FRMD5: variants seen among roughly 807,000 people sequenced by gnomAD.
FRMD5 encodes FERM domain-containing protein 5.
A neutral mutation model predicts 69.0 loss-of-function variants in FRMD5; 20 were observed. That is an observed-to-expected ratio of 0.29 (90% CI 0.20 to 0.42). The LOEUF (loss-of-function observed/expected upper bound fraction) is 0.42, where lower values mean the gene tolerates loss of function less well. Among genes scored for constraint, FRMD5 ranks in the 10% least tolerant of loss-of-function variants. The pLI is 1.00. For missense variants in FRMD5, 595 were observed against 708.6 expected (o/e 0.84, Z 1.82); for synonymous variants, 271 against 260.1 (o/e 1.04, Z -0.40).
chr15:43,923,755 A>AAG (rs1351355752), intron 2 of FRMD5, among the ~76,000 whole-genome samples: 1 of 152,224 alleles, frequency 6.6e-6, no homozygotes, highest in Non-Finnish European at 1.5e-5. Context: ...CAAGAACTGC[A>AAG]AGATCTGCAA....
intron 4 of FRMD5, among the ~76,000 whole-genome samples, chr15:43,914,221 G>A (rs2089342223): frequency 6.6e-6 from 1 of 152,146 alleles, no homozygotes; most frequent in Admixed American, 6.5e-5. Flanking sequence ...AGAGTTTAAG[G>A]CTGTGAACTC....
chr15:43,874,539 A>C (rs2140329357), intron 13 of FRMD5, 77 bp from the exon 14 acceptor site: 1 of 1,052,080 alleles, frequency 9.5e-7, no homozygotes, highest in Non-Finnish European at 1.5e-6. Flanking sequence ...ATTGTGTTTT[A>C]TTGGGTACCA....
chr15:43,896,967 A>G (rs2088924411), intron 7 of FRMD5, among the ~76,000 whole-genome samples: 1 of 152,158 alleles, frequency 6.6e-6, no homozygotes, highest in Non-Finnish European at 1.5e-5. Context: ...ACAATAAACT[A>G]GAATGGAAAT....
intron 1 of FRMD5, among the ~76,000 whole-genome samples, chr15:44,156,096 G>A (rs916279151): frequency 1.3e-5 from 2 of 152,070 alleles, no homozygotes; most frequent in Non-Finnish European, 2.9e-5. Flanking sequence ...TAGTCTCAGT[G>A]AACTGAGGTC....
chr15:43,985,200 G>A (rs1321208891), intron 1 of FRMD5, among the ~76,000 whole-genome samples: 3 of 140,390 alleles, frequency 2.1e-5, no homozygotes, highest in Non-Finnish European at 3.0e-5. Context: ...AGAATGGCGT[G>A]AACCTGGGAG....
At chr15:44,091,616 C>T (rs1162497223) in intron 1 of FRMD5, among the ~76,000 whole-genome samples, 1 of 152,116 alleles carries the variant, frequency 6.6e-6, no homozygotes, top group African/African-American at 2.4e-5. Context: ...GAATCAGTAA[C>T]TGAATGAATC....
At chr15:44,150,051 G>C (rs1324754805) in intron 1 of FRMD5, among the ~76,000 whole-genome samples, 1 of 151,826 alleles carries the variant, frequency 6.6e-6, no homozygotes, top group East Asian at 1.9e-4. Context: ...CAGAATGGAG[G>C]AAGGAAAAAA....
intron 4 of FRMD5, among the ~76,000 whole-genome samples, chr15:43,916,482 T>C (rs1046285682): frequency 6.6e-6 from 1 of 152,236 alleles, no homozygotes; most frequent in Admixed American, 6.5e-5. Context: ...CAACGAAATA[T>C]TGAGACTTTG....
intron 1 of FRMD5, among the ~76,000 whole-genome samples, chr15:44,029,048 G>A (rs993981472): frequency 6.6e-6 from 1 of 152,116 alleles, no homozygotes; most frequent in African/African-American, 2.4e-5. Context: ...ACATAAGTAG[G>A]TATTCAACAA....
chr15:44,050,229 G>C (rs886698161), intron 1 of FRMD5, among the ~76,000 whole-genome samples: 2 of 152,008 alleles, frequency 1.3e-5, no homozygotes, highest in African/African-American at 4.8e-5. Context: ...ATCTTAAGCA[G>C]TGTGCAAAAA....
chr15:44,074,045 T>C (rs778288227), intron 1 of FRMD5, among the ~76,000 whole-genome samples: 9 of 152,300 alleles, frequency 5.9e-5, no homozygotes, highest in Non-Finnish European at 1.2e-4. Context: ...CTCCAAGCCC[T>C]ATCCTATATA....
Position 43,919,750 on chromosome 15 carries a change from T to C in FRMD5, c.250+17A>G, listed in dbSNP as rs774879028. The C allele has an allele frequency of 2.5e-6, 4 of 1,613,310 alleles. 1 individual carries two copies. Among genetic ancestry groups the C allele is most frequent in the South Asian group, 2.2e-5 (2 of 91,066 alleles). On this transcript the variant is annotated intron_variant, in intron 3 of 13. Transcript: ENST00000417257. The stretch of plus-strand genomic sequence containing the variant: ...CCCCAGGGGTGTGGCTTGAGTCTTT[T>C]CATGGAGAATACTTACATCTCAATT...
rs535447824 is a variant in FRMD5, at chr15:44,141,697, C to T, written c.102+53256G>A. ...TGTTCTCCTGAAGGGCACTCTGTACCCAGAACTGAATTCTCCTTGTAATTC... is the reference window on the plus strand; with the variant it reads ...TGTTCTCCTGAAGGGCACTCTGTACTCAGAACTGAATTCTCCTTGTAATTC... On this transcript the variant is annotated intron_variant, in intron 1 of 13. Transcript: ENST00000417257. Among the ~76,000 whole-genome samples the T allele has an allele frequency of 1.9e-3, 282 of 152,248 alleles. 2 individuals carry two copies. Among genetic ancestry groups the T allele is most frequent in the African/African-American group, 6.6e-3 (273 of 41,542 alleles).
chr15:44,071,245 T>C (rs150471831), intron 1 of FRMD5, among the ~76,000 whole-genome samples: 1 of 152,168 alleles, frequency 6.6e-6, no homozygotes, highest in Non-Finnish European at 1.5e-5. Flanking sequence ...CCTAGCTGGT[T>C]AGCATCTTTC....
At chr15:44,135,388 A>T (rs764078153) in intron 1 of FRMD5, among the ~76,000 whole-genome samples, 1 of 152,206 alleles carries the variant, frequency 6.6e-6, no homozygotes, top group Non-Finnish European at 1.5e-5. Flanking sequence ...CAATTTTTTC[A>T]TATTTCCTTA....
rs143100633 is a variant in FRMD5, at chr15:43,874,831, C to G, written c.1136-369G>C. On this transcript the variant is annotated intron_variant, in intron 13 of 13. Transcript: ENST00000417257. ...AGGAGAATCGCTTGAACCCGGGAGG[C>G]GGAGGTTGCAGTGAGCTGAGATCGC... Among the ~76,000 whole-genome samples the G allele has an allele frequency of 5.3e-5, 8 of 152,042 alleles. No homozygotes were observed. The East Asian group carries it at 1.6e-3, about 30-fold the overall frequency.
intron 1 of FRMD5, among the ~76,000 whole-genome samples, chr15:44,169,591 A>G (rs1189574996): frequency 1.3e-5 from 2 of 152,148 alleles, no homozygotes; most frequent in African/African-American, 4.8e-5. Context: ...TTTCCAGGAA[A>G]TCCCAGAAGA....
intron 1 of FRMD5, among the ~76,000 whole-genome samples, chr15:44,141,474 C>T (rs1224232834): frequency 6.6e-6 from 1 of 152,046 alleles, no homozygotes; most frequent in Non-Finnish European, 1.5e-5. Flanking sequence ...GAAATCAGAC[C>T]ACTCAATAAA....
At chr15:43,875,828 C>CGTT in intron 13 of FRMD5, 1 of 94,898 alleles carries the variant, frequency 1.1e-5, no homozygotes, top group Admixed American at 1.6e-4. Context: ...TTTTTTTTTT[C>CGTT]TTTCAGTCTT....
Sources: gnomAD v4.1 joint callset for allele counts (sites outside exome capture counted in the v4.1 genomes callset) on GRCh38, gnomAD v4.1.1 for gene constraint, MANE v1.5 for transcripts, NCBI Gene and HGNC (gene_info 2026-07-23, HGNC 2026-07-21) for gene names.